CRB1: variants seen among roughly 807,000 people sequenced by gnomAD.
CRB1 encodes crumbs cell polarity complex component 1, also known as protein crumbs homolog 1.
A neutral mutation model predicts 120.0 loss-of-function variants in CRB1; 83 were observed. That is an observed-to-expected ratio of 0.69 (90% confidence interval 0.58 to 0.83). The LOEUF (loss-of-function observed/expected upper bound fraction) is 0.83, where lower values mean the gene tolerates loss of function less well. CRB1 is among the 40% of genes least tolerant of loss of function. The pLI is 0.00. For missense variants in CRB1, 1,699 were observed against 1,687.6 expected (o/e 1.01, Z -0.12); for synonymous variants, 625 against 612.5 (o/e 1.02, Z -0.30).
At chr1:197,367,091 T>A (rs115315052) in intron 5 of CRB1, among the ~76,000 whole-genome samples, 1 of 152,220 alleles carries the variant, frequency 6.6e-6, no homozygotes, top group Admixed American at 6.5e-5. Flanking sequence ...AAATTTATAA[T>A]TGGAGAAGGC....
intron 1 of CRB1, among the ~76,000 whole-genome samples, chr1:197,297,583 T>C (rs1284543580): frequency 3.3e-5 from 5 of 152,214 alleles, no homozygotes; most frequent in East Asian, 1.9e-4. Context: ...GATAGTGTGA[T>C]AGCCTTCATG....
At chr1:197,228,824 A>G in the CRB1 span, among the ~76,000 whole-genome samples, 1 of 152,174 alleles carries the variant, frequency 6.6e-6, no homozygotes, top group Non-Finnish European at 1.5e-5. Context: ...ACAGTTCCAC[A>G]TGACTGGGGA....
At chr1:197,298,345 A>G (rs1011227763) in intron 1 of CRB1, among the ~76,000 whole-genome samples, 1 of 152,258 alleles carries the variant, frequency 6.6e-6, no homozygotes, top group East Asian at 1.9e-4. Context: ...AGATAAGTCT[A>G]TATCACTGGT....
chr1:197,380,282 G>C (rs942385944), intron 5 of CRB1, among the ~76,000 whole-genome samples: 2 of 152,100 alleles, frequency 1.3e-5, no homozygotes, highest in African/African-American at 4.8e-5. Context: ...ATTTGAGTGA[G>C]TTTTAGCATC....
rs779099511 is a variant in CRB1, at chr1:197,347,368, T to A, written c.877T>A (p.Phe293Ile). Residue 293 changes from phenylalanine (F) to isoleucine (I), a missense_variant, in exon 4 of 12, where the codon TTC (phenylalanine) becomes ATC (isoleucine). Physicochemically the swap from Phe to Ile is conservative, Grantham distance 21. Transcript: ENST00000367400. The stretch of plus-strand genomic sequence containing the variant: ...TAGCTGTAACTGCACGGGTAGTGGA[T>A]TCACAGGGACACACTGTGAGACCTT... Reference protein sequence around the residue: ...RYSCNCTGSGFTGTHCETLMP... With the variant: ...RYSCNCTGSGITGTHCETLMP... 6.2e-7 allele frequency: 1 copy of A among 1,613,768 alleles called. No homozygotes were observed. Among genetic ancestry groups the A allele is most frequent in the South Asian group, 1.1e-5 (1 of 91,078 alleles).
intron 5 of CRB1, among the ~76,000 whole-genome samples, chr1:197,372,749 TGTGG>T (rs1661437239): frequency 6.6e-6 from 1 of 151,208 alleles, no homozygotes; most frequent in Non-Finnish European, 1.5e-5. Flanking sequence ...GAAACAAAGT[TGTGG>T]GACCTATCTC....
Position 197,460,184 on chromosome 1 carries a change from A to G in CRB1, c.4006-17480A>G, listed in dbSNP as rs549431352. On this transcript the variant is annotated intron_variant, in intron 11 of 11. Transcript: ENST00000367400. ...AGTCTTCTTTCACTAAAAATTGAGC[A>G]AATTCCCTGGATCAGCATCACTAAA... 2.0e-5 allele frequency among the ~76,000 whole-genome samples: 3 copies of G among 152,004 alleles called. No individual in the cohort carries two copies. In the South Asian group the frequency reaches 6.2e-4, roughly 32 times the overall value.
intron 11 of CRB1, chr1:197,443,793 T>C (rs1008594705): frequency 6.6e-6 from 1 of 151,644 alleles, no homozygotes; most frequent in Admixed American, 6.6e-5. Context: ...TCAGAGATTA[T>C]AAAATAATAA....
chr1:197,417,366 T>C (rs1334161914), intron 5 of CRB1, among the ~76,000 whole-genome samples: 3 of 152,200 alleles, frequency 2.0e-5, no homozygotes, highest in South Asian at 2.1e-4. Flanking sequence ...CCCCTCCTAC[T>C]GCAGGTTAAG....
chr1:197,454,105 C>T (rs936733926), intron 11 of CRB1, among the ~76,000 whole-genome samples: 1 of 150,900 alleles, frequency 6.6e-6, no homozygotes, highest in Non-Finnish European at 1.5e-5. Context: ...GGATTACAGG[C>T]ATGAGCCACT....
chr1:197,287,707 GA>G (rs1327944545), intron 1 of CRB1, among the ~76,000 whole-genome samples: 1 of 151,744 alleles, frequency 6.6e-6, no homozygotes, highest in Non-Finnish European at 1.5e-5. Context: ...ACTCATGAAG[GA>G]AAAAGAAATA....
chr1:197,415,432 G>A (rs1196067141), intron 5 of CRB1, among the ~76,000 whole-genome samples: 1 of 152,026 alleles, frequency 6.6e-6, no homozygotes, highest in African/African-American at 2.4e-5. Flanking sequence ...AACCTCGTAA[G>A]TTCCCAGACC....
the CRB1 span, chr1:197,222,801 T>A: frequency 1.4e-6 from 2 of 1,450,292 alleles, no homozygotes; most frequent in Non-Finnish European, 1.9e-6. Flanking sequence ...AAGCTTGGTG[T>A]CTTGTCATAA....
intron 3 of CRB1, among the ~76,000 whole-genome samples, chr1:197,345,704 C>A (rs2125330488): frequency 6.6e-6 from 1 of 151,934 alleles, no homozygotes; most frequent in Non-Finnish European, 1.5e-5. Context: ...GATAGGGTTT[C>A]ACCATGTTGG....
intron 4 of CRB1, among the ~76,000 whole-genome samples, chr1:197,354,402 C>T (rs1050987696): frequency 6.6e-6 from 1 of 152,108 alleles, no homozygotes; most frequent in Non-Finnish European, 1.5e-5. Context: ...CACAGACCCT[C>T]GCAGTGAGTG....
rs193273977 is a variant in CRB1 at position 197,345,469 on chromosome 1, C to T, written c.848+993C>T. On this transcript the variant is annotated intron_variant, in intron 3 of 11. Transcript: ENST00000367400. ...GAGTCAAAAGGAGAGCAATAAAAGG[C>T]ACATATGCTTCAAAAATTTGCAAAA... 6.9e-4 allele frequency among the ~76,000 whole-genome samples: 103 copies of T among 149,186 alleles called. 1 individual carries two copies. Among genetic ancestry groups the T allele is most frequent in the African/African-American group, 2.2e-3 (89 of 40,446 alleles).
At chr1:197,460,696 T>C (rs995683246) in intron 11 of CRB1, among the ~76,000 whole-genome samples, 5 of 152,182 alleles carry the variant, frequency 3.3e-5, no homozygotes, top group African/African-American at 9.6e-5. Context: ...CTCATTTTTT[T>C]CTCCAGTGTA....
At chr1:197,334,031 G>T (rs1224617144) in intron 2 of CRB1, among the ~76,000 whole-genome samples, 1 of 152,000 alleles carries the variant, frequency 6.6e-6, no homozygotes, top group Non-Finnish European at 1.5e-5. Flanking sequence ...TAGATCAATG[G>T]GTCTCAAGTG....
chr1:197,476,121 G>C (rs954323086), intron 11 of CRB1, among the ~76,000 whole-genome samples: 1 of 151,608 alleles, frequency 6.6e-6, no homozygotes, highest in African/African-American at 2.4e-5. Flanking sequence ...TGTTGGCCAG[G>C]CTGGTCTCGA....
Sources: allele counts gnomAD v4.1 joint callset (sites outside exome capture counted in the v4.1 genomes callset), GRCh38; gene constraint gnomAD v4.1.1; transcripts MANE v1.5; gene names NCBI Gene and HGNC (gene_info 2026-07-23, HGNC 2026-07-21).